Variants in BAHCC1 observed in about 807,000 individuals in gnomAD.
BAHCC1 encodes the protein BAH domain and coiled-coil containing 1, also known as BAH and coiled-coil domain-containing protein 1.
A neutral mutation model predicts 88.2 loss-of-function variants in BAHCC1; 43 were observed. The observed-to-expected ratio is 0.49, with a 90% confidence interval of 0.38 to 0.63. BAHCC1 has a LOEUF of 0.63. BAHCC1 is among the 20% of genes least tolerant of loss of function. The probability of loss-of-function intolerance (pLI) is 0.00; values close to 1 mark genes in which losing one functional copy is unlikely to be tolerated. For missense variants in BAHCC1, 3,023 were observed against 1,654.8 expected (o/e 1.83, Z -14.34); for synonymous variants, 1,510 against 745.5 (o/e 2.03, Z -16.71).
intron 4 of BAHCC1, among the ~76,000 whole-genome samples, chr17:81,440,508 CTTTT>C (rs2064396362): frequency 6.6e-6 from 1 of 152,180 alleles, no homozygotes; most frequent in South Asian, 2.1e-4. Context: ...CCAAATGTTT[CTTTT>C]GTTTCTCCCC....
chr17:81,439,069 A>G (rs1211663073), intron 4 of BAHCC1, among the ~76,000 whole-genome samples: 4 of 152,106 alleles, frequency 2.6e-5, no homozygotes, highest in Non-Finnish European at 5.9e-5. Flanking sequence ...GTCTTTGCTG[A>G]GAAGTCAGAG....
intron 3 of BAHCC1, among the ~76,000 whole-genome samples, chr17:81,433,076 C>T (rs1156558336): frequency 6.6e-6 from 1 of 151,104 alleles, no homozygotes; most frequent in Admixed American, 6.6e-5. Context: ...TGGCCCGGCC[C>T]GCCCCTGAGG....
Position 81,466,047 on chromosome 17 carries a change from C to A in BAHCC1, c.*2230C>A. 1 of 152,688 alleles carries A rather than the reference C, an allele frequency of 6.5e-6. No individual in the cohort carries two copies. Among genetic ancestry groups the A allele is most frequent in the Non-Finnish European group, 1.5e-5 (1 of 68,090 alleles). The allele number at this position is 152,688 out of a possible 1,614,324, so 9.5% of individuals were successfully genotyped here. A position where few individuals can be genotyped will look rare whatever the true frequency, so the allele number is the denominator to read the frequency against. ...CCGCCTCGTCCTCGTCCCGCTTCTGCTGGGTTCCGCTTTGTCCCTGGTTTT... is the reference window on the plus strand; with the variant it reads ...CCGCCTCGTCCTCGTCCCGCTTCTGATGGGTTCCGCTTTGTCCCTGGTTTT... On this transcript the variant is annotated 3_prime_UTR_variant, in exon 28 of 28. Transcript: ENST00000675386.
In BAHCC1 at chr17:81,399,552, G is replaced by T; in HGVS notation, c.-188G>T. ...TCCACAGACCATGGACCCGCACAGCGGCCGCTGGCTCGGTGCGCGGCCGCC... is the reference window on the plus strand; with the variant it reads ...TCCACAGACCATGGACCCGCACAGCTGCCGCTGGCTCGGTGCGCGGCCGCC... On this transcript the variant is annotated 5_prime_UTR_variant, in exon 2 of 28. Transcript: ENST00000675386. This position sits in a 1 kb window ranked among gnomAD's most constrained non-coding sequence, Gnocchi z 4.5. 1 of 386,634 alleles carries T rather than the reference G, an allele frequency of 2.6e-6. No individual in the cohort carries two copies. Among genetic ancestry groups the T allele is most frequent in the South Asian group, 1.8e-5 (1 of 56,292 alleles). The allele number at this position is 386,634 out of a possible 1,614,324, so 24.0% of individuals were successfully genotyped here. A position where few individuals can be genotyped will look rare whatever the true frequency, so the allele number is the denominator to read the frequency against.
In BAHCC1 at chr17:81,444,546, G is replaced by A. The variant is rs931947006; in HGVS notation, c.2490G>A (p.Leu830=). The change falls in exon 7 of 28, where the codon CTG becomes CTA. Residue 830 remains leucine (L), a synonymous_variant. Coordinates refer to ENST00000675386, the MANE Select transcript of BAHCC1 (RefSeq NM_001377448.1). ...TGCCCCGCACCCGCAGCCCCTCCCT[G>A]TGGATGGGGGGGCACTCCTACGGTC... ...PWLPRTRSPS[L]WMGGHSYGLG... 1.4e-6 allele frequency: 1 copy of A among 716,582 alleles called. No homozygotes were observed. Among genetic ancestry groups the A allele is most frequent in the African/African-American group, 1.7e-5 (1 of 58,036 alleles). 44.4% of individuals were successfully genotyped at this position (716,582 alleles called of 1,614,324 possible).
chr17:81,461,013 G>C lies in BAHCC1; in HGVS notation c.6350G>C (p.Gly2117Ala), dbSNP rs782376830. ...KAVAAASKGP[G>A]VLQNLFQLNG... ...GTGGCAGCGGCCAGCAAGGGGCCGG[G>C]GGTGCTGCAGAACCTCTTCCAGCTC... The change falls in exon 26 of 28, where the codon GGG (glycine) becomes GCG (alanine). Residue 2117 changes from glycine to alanine, a missense_variant. Gly to Ala is a moderately conservative substitution (Grantham distance 60, BLOSUM62 0). Coordinates refer to ENST00000675386, the MANE Select transcript of BAHCC1 (RefSeq NM_001377448.1). The C allele has an allele frequency of 1.3e-6, 1 of 773,332 alleles. No individual in the cohort carries two copies. Among genetic ancestry groups the C allele is most frequent in the Middle Eastern group, 2.3e-4 (1 of 4,434 alleles). The allele number at this position is 773,332 out of a possible 1,614,324, so 47.9% of individuals were successfully genotyped here.
chr17:81,397,410 A>AAAC (rs1342049981), intron 1 of BAHCC1, among the ~76,000 whole-genome samples: 2 of 147,540 alleles, frequency 1.4e-5, no homozygotes. Context: ...AAAAAAAAAA[A>AAAC]AACAACCACA....
rs781950113 is a variant in BAHCC1 at position 81,453,674 on chromosome 17, C to T, written c.4445+823C>T. Among the ~76,000 whole-genome samples, 3 of 152,114 alleles carry T rather than the reference C, an allele frequency of 2.0e-5. No individual in the cohort carries two copies. The South Asian group carries it at 6.2e-4, about 31-fold the overall frequency. On this transcript the variant is annotated intron_variant, in intron 14 of 27. Coordinates refer to ENST00000675386, the MANE Select transcript of BAHCC1 (RefSeq NM_001377448.1). ...GGGTCTCCCTTTGAGAACCAGCCAG[C>T]ACTGTGGGAACTGCTGGGCAGGACA...
Position 81,464,694 on chromosome 17 carries a change from CA to C in BAHCC1, c.*879del, listed in dbSNP as rs2030579594. The stretch of plus-strand genomic sequence containing the variant: ...ATTTTAAAGTATTGATAAGAAAAAG[CA>C]ATGTTTGGATTGTATCTGCTGAATC... On this transcript the variant is annotated 3_prime_UTR_variant, in exon 28 of 28. Coordinates refer to ENST00000675386, the MANE Select transcript of BAHCC1 (RefSeq NM_001377448.1). The C allele has an allele frequency of 6.6e-6, 1 of 152,500 alleles. No individual in the cohort carries two copies. Among genetic ancestry groups the C allele is most frequent in the Admixed American group, 6.5e-5 (1 of 15,280 alleles). The allele number at this position is 152,500 out of a possible 1,614,324, so 9.4% of individuals were successfully genotyped here.
rs530872359 is a variant in BAHCC1 at position 81,452,983 on chromosome 17, G to A, written c.4445+132G>A. 2.7e-4 allele frequency: 158 copies of A among 579,632 alleles called. 2 individuals carry two copies. In the African/African-American group the frequency reaches 2.9e-3, roughly 11 times the overall value. 35.9% of individuals were successfully genotyped at this position (579,632 alleles called of 1,614,324 possible). On this transcript the variant is annotated intron_variant, in intron 14 of 27. Transcript: ENST00000675386. ...CCTTCACACCTACTCTGAAGGCCTG[G>A]CCCTGCCCTTCCTAGACCATCGAGA...
chr17:81,428,663 G>T (rs941904190), intron 3 of BAHCC1, among the ~76,000 whole-genome samples: 2 of 152,198 alleles, frequency 1.3e-5, no homozygotes, highest in Non-Finnish European at 2.9e-5. Flanking sequence ...CCCCCGTCCC[G>T]CCCCTCTGGG....
At chr17:81,438,697 G>A (rs993506451) in intron 4 of BAHCC1, among the ~76,000 whole-genome samples, 4 of 152,142 alleles carry the variant, frequency 2.6e-5, no homozygotes, top group South Asian at 4.1e-4. Flanking sequence ...CCAGGCGCAG[G>A]TTCAGTTCCC....
intron 2 of BAHCC1, chr17:81,413,180 C>T (rs535733969): frequency 4.9e-4 from 205 of 420,348 alleles, no homozygotes; most frequent in South Asian, 3.3e-3. Context: ...GGGACCCCAC[C>T]CGTGGCTGTG....
At position 81,443,503 on chromosome 17, in the gene BAHCC1, G is replaced by T. The variant is rs1555653349; in HGVS notation, c.2154G>T (p.Arg718=). 2 of 699,302 alleles carry T rather than the reference G, an allele frequency of 2.9e-6. No homozygotes were observed. Among genetic ancestry groups the T allele is most frequent in the Non-Finnish European group, 5.3e-6 (2 of 378,920 alleles). The allele number at this position is 699,302 out of a possible 1,614,324, so 43.3% of individuals were successfully genotyped here. ...ALARQKDTVS[R]SEAAYGTNTA... Reference sequence around the variant, plus strand: ...CCCGGCAGAAGGACACAGTGAGCCGGTCTGAGGCAGCCTACGGCACCAACA... The same window carrying T: ...CCCGGCAGAAGGACACAGTGAGCCGTTCTGAGGCAGCCTACGGCACCAACA... The change falls in exon 5 of 28, where the codon CGG becomes CGT. Residue 718 remains arginine (R), a synonymous_variant. Coordinates refer to ENST00000675386, the MANE Select transcript of BAHCC1 (RefSeq NM_001377448.1).
chr17:81,424,694 T>C (rs1334136201), intron 2 of BAHCC1, among the ~76,000 whole-genome samples: 2 of 149,270 alleles, frequency 1.3e-5, no homozygotes, highest in Non-Finnish European at 3.0e-5. Context: ...GTGGAGGTGA[T>C]GTGGTTGGTG....
intron 2 of BAHCC1, among the ~76,000 whole-genome samples, chr17:81,412,258 G>C (rs577590722): frequency 2.0e-5 from 3 of 152,260 alleles, no homozygotes; most frequent in Non-Finnish European, 4.4e-5. Flanking sequence ...TCCCCTCTCT[G>C]AGAGTTTTCA....
chr17:81,448,579 G>A (rs559392985), intron 11 of BAHCC1, among the ~76,000 whole-genome samples: 209 of 152,352 alleles, frequency 1.4e-3, no homozygotes, highest in African/African-American at 4.6e-3. Context: ...CGGGCACGGC[G>A]CCGTGGTTGT....
rs781798111 is a variant in BAHCC1, at chr17:81,459,504, T to C, written c.5805T>C (p.Asp1935=). The change falls in exon 23 of 28, where the codon GAT becomes GAC. Residue 1935 remains aspartate (D), a synonymous_variant. Transcript: ENST00000675386. The stretch of plus-strand genomic sequence containing the variant: ...CGCCCGCGTTCCTGCAGGTTCTCGA[T>C]GTGCGGCCACAGTCCAGCCGGTACC... The part of the protein sequence containing the change: ...LEQLLQEAVL[D]VRPQSSRYLP... The C allele has an allele frequency of 3.8e-6, 3 of 779,344 alleles. No individual in the cohort carries two copies. The highest frequency in any genetic ancestry group is 3.4e-5 in the Admixed American group (2 of 59,036). The allele number at this position is 779,344 out of a possible 1,614,324, so 48.3% of individuals were successfully genotyped here. A position where few individuals can be genotyped will look rare whatever the true frequency, so the allele number is the denominator to read the frequency against.
chr17:81,404,399 G>T (rs1193247669), intron 2 of BAHCC1, among the ~76,000 whole-genome samples: 1 of 152,232 alleles, frequency 6.6e-6, no homozygotes, highest in African/African-American at 2.4e-5. Flanking sequence ...AATTGGTGGG[G>T]CTTCTGGCGT....
Sources: gnomAD v4.1 joint callset for allele counts (sites outside exome capture counted in the v4.1 genomes callset) on GRCh38, gnomAD v4.1.1 for gene constraint, Gnocchi (gnomAD v3.1) non-coding constraint, MANE v1.5 for transcripts, NCBI Gene and HGNC (gene_info 2026-07-23, HGNC 2026-07-21) for gene names.